Variants in ZFHX3 observed in about 807,000 individuals in gnomAD.
ZFHX3 encodes the protein zinc finger homeobox protein 3.
A neutral mutation model predicts 279.1 loss-of-function variants in ZFHX3; 42 were observed. That is an observed-to-expected ratio of 0.15 (90% CI 0.12 to 0.19). The LOEUF (loss-of-function observed/expected upper bound fraction) is 0.19, where lower values mean the gene tolerates loss of function less well. ZFHX3 is among the 10% of genes least tolerant of loss of function. ZFHX3 has a pLI of 1.00. For synonymous variants in ZFHX3, 2,293 were observed against 1,957.8 expected (o/e 1.17, Z -4.52); for missense variants, 4,981 against 4,754.0 (o/e 1.05, Z -1.40).
At chr16:73,198,683 C>T (rs77294321) in intron 5 of ZFHX3, among the ~76,000 whole-genome samples, 33 of 152,238 alleles carry the variant, frequency 2.2e-4, no homozygotes, top group East Asian at 1.9e-3. Flanking sequence ...GGCTCATCCT[C>T]GCTACAGAAA....
At chr16:72,995,161 A>G (rs1229036419) in intron 1 of ZFHX3, among the ~76,000 whole-genome samples, 1 of 152,190 alleles carries the variant, frequency 6.6e-6, no homozygotes, top group Non-Finnish European at 1.5e-5. Flanking sequence ...AACACATTTC[A>G]GAAAATATTC....
At chr16:73,074,950 G>A (rs1597148480) in intron 8 of ZFHX3, among the ~76,000 whole-genome samples, 1 of 152,012 alleles carries the variant, frequency 6.6e-6, no homozygotes, top group African/African-American at 2.4e-5. Context: ...GAGACTATAG[G>A]TGCATGCCAC....
chr16:73,375,825 A>G (rs2016713634), intron 3 of ZFHX3, among the ~76,000 whole-genome samples: 1 of 152,190 alleles, frequency 6.6e-6, no homozygotes, highest in South Asian at 2.1e-4. Flanking sequence ...CTATTTTTTT[A>G]TAGGTCTTTT....
At chr16:73,636,472 T>C (rs2052528115) in intron 2 of ZFHX3, among the ~76,000 whole-genome samples, 1 of 152,222 alleles carries the variant, frequency 6.6e-6, no homozygotes, top group African/African-American at 2.4e-5. Flanking sequence ...AAAAGTATCA[T>C]TGTTTACCAA....
At chr16:73,202,910 T>TC (rs200757980) in intron 5 of ZFHX3, among the ~76,000 whole-genome samples, 1 of 127,412 alleles carries the variant, frequency 7.8e-6, no homozygotes, top group Non-Finnish European at 1.5e-5. Context: ...TTTCTTTCTT[T>TC]TTTTTTTTTT....
chr16:72,827,029 G>C (rs1411120352), intron 5 of ZFHX3, among the ~76,000 whole-genome samples: 1 of 152,202 alleles, frequency 6.6e-6, no homozygotes, highest in Non-Finnish European at 1.5e-5. Flanking sequence ...CACATATAGA[G>C]TGGCTAGCAT....
chr16:72,884,115 A>G (rs1405653514), intron 4 of ZFHX3, among the ~76,000 whole-genome samples: 2 of 152,212 alleles, frequency 1.3e-5, no homozygotes, highest in East Asian at 3.8e-4. Flanking sequence ...AGCTGAAGAC[A>G]GTATATATTC....
At chr16:73,535,891 T>A (rs1434046886) in intron 2 of ZFHX3, among the ~76,000 whole-genome samples, 4 of 151,884 alleles carry the variant, frequency 2.6e-5, no homozygotes, top group Non-Finnish European at 4.4e-5. Flanking sequence ...CCCGGCTAAT[T>A]TTTTTTACTT....
intron 5 of ZFHX3, among the ~76,000 whole-genome samples, chr16:73,173,889 C>T (rs1414108604): frequency 6.6e-6 from 1 of 152,194 alleles, no homozygotes; most frequent in Non-Finnish European, 1.5e-5. Context: ...CCCTTCGGAC[C>T]TTCATTCCTT....
chr16:73,623,039 ATT>A (rs11341882), intron 2 of ZFHX3, among the ~76,000 whole-genome samples: 25 of 148,912 alleles, frequency 1.7e-4, no homozygotes, highest in South Asian at 2.1e-4. Flanking sequence ...GGCACATTGT[ATT>A]TTTTTTTTTT....
chr16:73,663,396 A>G (rs1261691667), intron 2 of ZFHX3, among the ~76,000 whole-genome samples: 8 of 151,808 alleles, frequency 5.3e-5, no homozygotes, highest in Non-Finnish European at 1.2e-4. Context: ...GACCACCTCC[A>G]CTCCCCACCC....
chr16:72,958,522 T>A lies in ZFHX3; in HGVS notation c.1624A>T (p.Thr542Ser), dbSNP rs1961379942. The A allele has an allele frequency of 3.1e-6, 5 of 1,613,882 alleles. No homozygotes were observed. The South Asian group carries it at 4.4e-5, about 14-fold the overall frequency. Residue 542 changes from threonine (T) to serine (S), a missense_variant, in exon 2 of 10, where the codon ACC becomes TCC. By Grantham distance (58) the Thr-to-Ser change is moderately conservative (BLOSUM62 1). Coordinates refer to ENST00000268489, the MANE Select transcript of ZFHX3 (RefSeq NM_006885.4). The part of the protein sequence containing the change: ...NSPLMPNVLQ[T>S]LSRGTASTSS... ...GTAGAAGCTGTGCCCCTCGACAGGG[T>A]CTGGAGCACGTTAGGCATTAAGGGG...
At chr16:73,563,415 C>T (rs1348839349) in intron 2 of ZFHX3, among the ~76,000 whole-genome samples, 2 of 151,834 alleles carry the variant, frequency 1.3e-5, no homozygotes, top group African/African-American at 4.8e-5. Flanking sequence ...CGCCACCATG[C>T]CCGGCTAATT....
chr16:72,870,559 A>G (rs1412847723), intron 4 of ZFHX3, among the ~76,000 whole-genome samples: 1 of 151,828 alleles, frequency 6.6e-6, no homozygotes, highest in African/African-American at 2.4e-5. Flanking sequence ...AATACAAAAA[A>G]TTAGCCGGGA....
intron 3 of ZFHX3, among the ~76,000 whole-genome samples, chr16:73,418,686 C>T (rs1377337878): frequency 2.0e-5 from 3 of 152,228 alleles, no homozygotes; most frequent in Non-Finnish European, 4.4e-5. Flanking sequence ...TGGCTTTGTC[C>T]GTATTTCCAA....
chr16:73,737,158 G>A (rs191202410), intron 1 of ZFHX3, among the ~76,000 whole-genome samples: 81 of 152,118 alleles, frequency 5.3e-4, no homozygotes, highest in Middle Eastern at 3.4e-3. Context: ...TTCAACTTCC[G>A]AAGTAGCTGG....
chr16:73,286,966 G>GTGGGTC (rs2014622607), intron 4 of ZFHX3, among the ~76,000 whole-genome samples: 2 of 150,706 alleles, frequency 1.3e-5, no homozygotes, highest in African/African-American at 4.9e-5. Flanking sequence ...GTGGCTGTGT[G>GTGGGTC]AGTGTGGGTC....
intron 2 of ZFHX3, among the ~76,000 whole-genome samples, chr16:73,664,811 C>T (rs548635463): frequency 6.6e-6 from 1 of 152,330 alleles, no homozygotes; most frequent in East Asian, 1.9e-4. Context: ...TTCAGATACA[C>T]CCGGAGGAAA....
At chr16:73,792,904 C>A (rs911259510) in intron 1 of ZFHX3, among the ~76,000 whole-genome samples, 1 of 143,274 alleles carries the variant, frequency 7.0e-6, no homozygotes, top group African/African-American at 2.6e-5. Context: ...ACAGATGTAG[C>A]AACTTCTGTA....
Sources: gnomAD v4.1 joint callset for allele counts (sites outside exome capture counted in the v4.1 genomes callset) on GRCh38, gnomAD v4.1.1 for gene constraint, MANE v1.5 for transcripts, NCBI Gene and HGNC (gene_info 2026-07-23, HGNC 2026-07-21) for gene names.